Variants in ATXN1 observed in about 807,000 individuals in gnomAD.
The protein encoded by ATXN1 is ataxin 1.
In ATXN1, 8 loss-of-function variants were observed where a neutral mutation model predicts 56.4. The ratio of observed to expected loss-of-function variants is 0.14; its 90% CI spans 0.08 to 0.26. The LOEUF is 0.26. Among genes scored for constraint, ATXN1 ranks in the 10% least tolerant of loss-of-function variants. The probability of loss-of-function intolerance (pLI) is 1.00; values close to 1 mark genes in which losing one functional copy is unlikely to be tolerated. For missense variants in ATXN1, 987 were observed against 1,106.5 expected, an observed-to-expected ratio of 0.89 and a Z score of 1.53; for synonymous variants, 514 against 494.6, an observed-to-expected ratio of 1.04 and a Z score of -0.52.
At chr6:16,395,160 C>T (rs879820538) in intron 6 of ATXN1, among the ~76,000 whole-genome samples, 15 of 151,198 alleles carry the variant, frequency 9.9e-5, no homozygotes, top group Admixed American at 3.3e-4. Context: ...AATCACACTA[C>T]TCAGGAGGCT....
Position 16,300,389 on chromosome 6 carries a change from G to C in ATXN1, c.*5940C>G, listed in dbSNP as rs1760054531. The C allele has an allele frequency of 6.6e-6, 1 of 152,644 alleles. No individual in the cohort carries two copies. The highest frequency in any genetic ancestry group is 2.4e-5 in the African/African-American group (1 of 41,452). 9.5% of individuals were successfully genotyped at this position (152,644 alleles called of 1,614,324 possible). ...CCCGCCATTACACAGGAGAAAGTTA[G>C]CTACCAGAACAGTTGCCTTCAACGA... On this transcript the variant is annotated 3_prime_UTR_variant, in exon 8 of 8. Coordinates refer to ENST00000436367, the MANE Select transcript of ATXN1 (RefSeq NM_001128164.2).
At chr6:16,470,705 A>C (rs1760199848) in intron 6 of ATXN1, among the ~76,000 whole-genome samples, 1 of 152,140 alleles carries the variant, frequency 6.6e-6, no homozygotes, top group South Asian at 2.1e-4. Flanking sequence ...ATCAGCTGAA[A>C]TCACCATTAA....
intron 6 of ATXN1, among the ~76,000 whole-genome samples, chr6:16,471,737 T>C (rs1272265652): frequency 1.3e-5 from 2 of 151,814 alleles, no homozygotes; most frequent in Non-Finnish European, 2.9e-5. Context: ...GAGTCTGTCA[T>C]TGTAATATAC....
chr6:16,461,145 A>C (rs543751867), intron 6 of ATXN1, among the ~76,000 whole-genome samples: 3 of 152,362 alleles, frequency 2.0e-5, no homozygotes, highest in African/African-American at 7.2e-5. Context: ...TGCCAGGCAG[A>C]ACCTCCCATT....
chr6:16,328,545 AACATGAGC>A lies in ATXN1; in HGVS notation c.-160-83_-160-76del. On this transcript the variant is annotated intron_variant, in intron 6 of 7. Coordinates refer to ENST00000436367, the MANE Select transcript of ATXN1 (RefSeq NM_001128164.2). The surrounding 1 kb of genome is among the most constrained non-coding windows in gnomAD (Gnocchi z 6.2). Reference sequence around the variant, plus strand: ...AAGGGAAGGAGGGAAAGGACATCAGAACATGAGCACCGGGGAAAGAACATCTTTGGCAA... The same window carrying A: ...AAGGGAAGGAGGGAAAGGACATCAGAACCGGGGAAAGAACATCTTTGGCAA... 1.6e-6 allele frequency: 1 copy of A among 635,898 alleles called. No homozygotes were observed. The highest frequency in any genetic ancestry group is 2.3e-6 in the Non-Finnish European group (1 of 434,656). 39.4% of individuals were successfully genotyped at this position (635,898 alleles called of 1,614,324 possible).
intron 2 of ATXN1, among the ~76,000 whole-genome samples, chr6:16,684,681 A>G (rs1170485148): frequency 1.3e-5 from 2 of 152,072 alleles, no homozygotes; most frequent in African/African-American, 4.8e-5. Flanking sequence ...CTTTGCATTT[A>G]CTTTCTGAGC....
chr6:16,549,521 C>T (rs1761876960), intron 4 of ATXN1, among the ~76,000 whole-genome samples: 1 of 152,190 alleles, frequency 6.6e-6, no homozygotes, highest in Non-Finnish European at 1.5e-5. Context: ...GCGGAACCAG[C>T]TCCCATATAG....
chr6:16,407,341 G>A (rs561478062), intron 6 of ATXN1, among the ~76,000 whole-genome samples: 30 of 152,322 alleles, frequency 2.0e-4, no homozygotes, highest in African/African-American at 7.0e-4. Context: ...GGAATGAATG[G>A]GAAGGATACT....
chr6:16,520,043 G>A (rs1229013234), intron 5 of ATXN1, among the ~76,000 whole-genome samples: 2 of 152,162 alleles, frequency 1.3e-5, no homozygotes, highest in Non-Finnish European at 2.9e-5. Context: ...GCACAGTCAC[G>A]TTGCTATGGA....
At chr6:16,752,036 T>G (rs908469971) in intron 2 of ATXN1, among the ~76,000 whole-genome samples, 1 of 152,202 alleles carries the variant, frequency 6.6e-6, no homozygotes, top group Non-Finnish European at 1.5e-5. Flanking sequence ...TCCAGATGGG[T>G]TGATTACGGA....
intron 2 of ATXN1, among the ~76,000 whole-genome samples, chr6:16,740,703 A>T (rs1012885158): frequency 5.3e-5 from 8 of 152,060 alleles, no homozygotes; most frequent in Admixed American, 2.6e-4. Context: ...TTATTTATTT[A>T]TTTATTTTTT....
rs76634972 is a variant in ATXN1, at chr6:16,691,288, C to T, written c.-614-33387G>A. On this transcript the variant is annotated intron_variant, in intron 2 of 7. Transcript: ENST00000436367. ...GTCTTGTTCACTATCATATTCCTTA[C>T]ACCTACGGCATCCATGGGACAAGCT... is the stretch of plus-strand genomic sequence containing the variant. Among the ~76,000 whole-genome samples the T allele has an allele frequency of 4.5e-4, 69 of 152,326 alleles. No homozygotes were observed. In the Middle Eastern group the frequency reaches 0.02, roughly 45 times the overall value.
At position 16,328,119 on chromosome 6, in the gene ATXN1, C is replaced by T; in HGVS notation, c.192G>A (p.Gly64=). 6 of 1,588,834 alleles carry T rather than the reference C, an allele frequency of 3.8e-6. No homozygotes were observed. The highest frequency in any genetic ancestry group is 5.2e-6 in the Non-Finnish European group (6 of 1,163,444). ...GHGGGRHGPA[G]TSVELGLQQG... ...GTTGTAAACCAAGCTCCACCGAGGT[C>T]CCTGCCGGCCCATGCCTCCCGCCCC... is the stretch of plus-strand genomic sequence containing the variant. Residue 64 remains glycine (G), a synonymous_variant, in exon 7 of 8, where the codon GGG becomes GGA. Transcript: ENST00000436367. The surrounding 1 kb of genome is among the most constrained non-coding windows in gnomAD (Gnocchi z 6.2).
intron 6 of ATXN1, among the ~76,000 whole-genome samples, chr6:16,425,714 TAA>T (rs1227805071): frequency 6.6e-6 from 1 of 152,068 alleles, no homozygotes; most frequent in East Asian, 1.9e-4. Flanking sequence ...AATTTAAGAA[TAA>T]GAAGTCATCT....
intron 6 of ATXN1, among the ~76,000 whole-genome samples, chr6:16,422,155 G>A (rs978491226): frequency 6.6e-6 from 1 of 151,952 alleles, no homozygotes; most frequent in Non-Finnish European, 1.5e-5. Flanking sequence ...GTTATCCTTC[G>A]AGAGGGCCAC....
chr6:16,450,598 C>A (rs947486176), intron 6 of ATXN1, among the ~76,000 whole-genome samples: 1 of 152,190 alleles, frequency 6.6e-6, no homozygotes, highest in African/African-American at 2.4e-5. Flanking sequence ...CCCATTCCAT[C>A]GAGCCTCTTT....
chr6:16,584,375 T>A (rs1158117697), intron 4 of ATXN1, among the ~76,000 whole-genome samples: 1 of 151,732 alleles, frequency 6.6e-6, no homozygotes, highest in Non-Finnish European at 1.5e-5. Flanking sequence ...AATAAAATTT[T>A]TTTATTAAAT....
chr6:16,659,764 T>C (rs1400713860), intron 2 of ATXN1, among the ~76,000 whole-genome samples: 1 of 152,240 alleles, frequency 6.6e-6, no homozygotes, highest in Non-Finnish European at 1.5e-5. Context: ...TAGTACTCTC[T>C]TTCTGTTTTG....
intron 2 of ATXN1, among the ~76,000 whole-genome samples, chr6:16,675,089 C>T (rs1364081697): frequency 1.3e-5 from 2 of 152,194 alleles, no homozygotes; most frequent in African/African-American, 4.8e-5. Context: ...AAAGCTGCAG[C>T]CCAGCAGAGC....
Sources: gnomAD v4.1 joint callset for allele counts (sites outside exome capture counted in the v4.1 genomes callset) on GRCh38, gnomAD v4.1.1 for gene constraint, Gnocchi (gnomAD v3.1) non-coding constraint, MANE v1.5 for transcripts, NCBI Gene and HGNC (gene_info 2026-07-23, HGNC 2026-07-21) for gene names.